The following PDZD8 variants were observed in gnomAD, a reference collection of about 807,000 sequenced individuals.
The protein encoded by PDZD8 is PDZ domain-containing protein 8.
In PDZD8, 14 loss-of-function variants were observed where a neutral mutation model predicts 85.8. The observed-to-expected ratio is 0.16, with a 90% CI of 0.11 to 0.26. The LOEUF (loss-of-function observed/expected upper bound fraction) is 0.26, where lower values mean the gene tolerates loss of function less well. Ranked by LOEUF, PDZD8 falls within the 10% of genes least tolerant of loss-of-function variation. PDZD8 has a pLI of 1.00. For synonymous variants in PDZD8, 592 were observed against 568.6 expected (o/e 1.04, Z -0.59); for missense variants, 1,197 against 1,424.3 (o/e 0.84, Z 2.57).
chr10:117,305,374 C>A (rs1286712218), intron 3 of PDZD8, among the ~76,000 whole-genome samples: 1 of 151,928 alleles, frequency 6.6e-6, no homozygotes, highest in Non-Finnish European at 1.5e-5. Flanking sequence ...GATTGCACCA[C>A]TGCACTCCAG....
At position 117,297,830 on chromosome 10, in the gene PDZD8, T is replaced by G. The variant is rs549417859; in HGVS notation, c.1099-7482A>C. ...ACAATTACCAAAATTCACCACACTGTACCCTTAGTAAATTTTATTGTTTAA... is the reference window on the plus strand; with the variant it reads ...ACAATTACCAAAATTCACCACACTGGACCCTTAGTAAATTTTATTGTTTAA... On this transcript the variant is annotated intron_variant, in intron 3 of 4. Transcript: ENST00000334464. 2.7e-4 allele frequency among the ~76,000 whole-genome samples: 41 copies of G among 152,276 alleles called. No homozygotes were observed. In the East Asian group the frequency reaches 7.7e-3, roughly 29 times the overall value.
chr10:117,374,429 G>A lies in PDZD8; in HGVS notation c.799C>T (p.Leu267Phe). ...AGCTGGTTGACGATGATGGAGGTGAGCTGGGGCATGGGCCGCCCTTCAAAC... is the reference window on the plus strand; with the variant it reads ...AGCTGGTTGACGATGATGGAGGTGAACTGGGGCATGGGCCGCCCTTCAAAC... ...SQFEGRPMPQ[L>F]TSIIVNQLKK... is the part of the protein sequence containing the mutation. Residue 267 changes from leucine to phenylalanine, a missense_variant, in exon 1 of 5, where the codon CTC (leucine) becomes TTC (phenylalanine). Leu to Phe is a conservative substitution (Grantham distance 22). Around this residue, in one of 4 missense-constraint regions of PDZD8, gnomAD observed 344 missense variants for 453.6 expected, o/e 0.76. Transcript: ENST00000334464. The surrounding 1 kb of genome is among the most constrained non-coding windows in gnomAD (Gnocchi z 7.8). The A allele has an allele frequency of 1.2e-6, 2 of 1,614,236 alleles. No homozygotes were observed. Among genetic ancestry groups the A allele is most frequent in the Non-Finnish European group, 1.7e-6 (2 of 1,180,042 alleles).
chr10:117,320,339 T>C (rs1238788933), intron 2 of PDZD8, among the ~76,000 whole-genome samples: 2 of 152,098 alleles, frequency 1.3e-5, no homozygotes, highest in Non-Finnish European at 2.9e-5. Flanking sequence ...TGTCCCCAAA[T>C]TCCTGACAGG....
intron 3 of PDZD8, among the ~76,000 whole-genome samples, chr10:117,297,875 C>CTTTA (rs961505034): frequency 6.6e-6 from 1 of 151,962 alleles, no homozygotes; most frequent in Non-Finnish European, 1.5e-5. Flanking sequence ...CAAAATAAAG[C>CTTTA]TACTAAAAGG....
intron 1 of PDZD8, among the ~76,000 whole-genome samples, chr10:117,344,962 G>A (rs1003157537): frequency 6.6e-6 from 1 of 152,162 alleles, no homozygotes; most frequent in South Asian, 2.1e-4. Flanking sequence ...TGGTTCCATA[G>A]TGGGAAAGGC....
Position 117,375,337 on chromosome 10 carries a change from G to T in PDZD8, c.-110C>A. On this transcript the variant is annotated 5_prime_UTR_variant, in exon 1 of 5. Transcript: ENST00000334464. ...GAGGACATCGGGCGGCTGGGTCGGG[G>T]CGAGCGGCTCCGTGGGCCTCGTCCA... is the stretch of plus-strand genomic sequence containing the variant. 1 of 1,064,774 alleles carries T rather than the reference G, an allele frequency of 9.4e-7. No individual in the cohort carries two copies. Among genetic ancestry groups the T allele is most frequent in the Non-Finnish European group, 1.3e-6 (1 of 788,012 alleles). The allele number at this position is 1,064,774 out of a possible 1,614,324, so 66.0% of individuals were successfully genotyped here.
Position 117,375,165 on chromosome 10 carries a change from G to C in PDZD8, c.63C>G (p.Ala21=). The change falls in exon 1 of 5, where the codon GCC becomes GCG. Residue 21 remains alanine (A), a synonymous_variant. Transcript: ENST00000334464. ...GTCTGCGGTACAGCAGGAAGAACTG[G>C]GCGAGGAGCGTGAGGAAGGAACCCA... ...AVLGSFLTLL[A]QFFLLYRRQP... The C allele has an allele frequency of 6.3e-7, 1 of 1,584,234 alleles. No individual in the cohort carries two copies. Among genetic ancestry groups the C allele is most frequent in the Middle Eastern group, 1.7e-4 (1 of 5,944 alleles).
At chr10:117,337,820 C>T (rs1487915018) in intron 2 of PDZD8, among the ~76,000 whole-genome samples, 1 of 152,140 alleles carries the variant, frequency 6.6e-6, no homozygotes, top group Non-Finnish European at 1.5e-5. Context: ...CCTAGTGACA[C>T]TATATAAGGG....
At chr10:117,340,502 CCA>C (rs1357004632) in intron 2 of PDZD8, among the ~76,000 whole-genome samples, 1 of 152,116 alleles carries the variant, frequency 6.6e-6, no homozygotes, top group Non-Finnish European at 1.5e-5. Context: ...TCCACTGATC[CCA>C]CATTGCTTCT....
rs755895121 is a variant in PDZD8, at chr10:117,284,496, G to A, written c.2237C>T (p.Thr746Ile). The A allele has an allele frequency of 6.8e-6, 11 of 1,614,156 alleles. No homozygotes were observed. In the South Asian group the frequency reaches 8.8e-5, roughly 13 times the overall value. The change falls in exon 5 of 5, where the codon ACA (threonine) becomes ATA (isoleucine). Residue 746 changes from threonine to isoleucine, a missense_variant. Physicochemically the swap from Thr to Ile is moderately conservative, Grantham distance 89. Around this residue, in one of 4 missense-constraint regions of PDZD8, gnomAD observed 418 missense variants for 571.1 expected, o/e 0.73. Transcript: ENST00000334464. ...LEDVALGCLA[T>I]SNTEYLSKLR... ...TTTGGAAAGGTATTCCGTGTTTGAT[G>A]TAGCTAGGCATCCTAAAGCCACATC... is the stretch of plus-strand genomic sequence containing the variant.
At position 117,375,256 on chromosome 10, in the gene PDZD8, C is replaced by T; in HGVS notation, c.-29G>A. The T allele has an allele frequency of 7.0e-7, 1 of 1,433,232 alleles. No homozygotes were observed. Among genetic ancestry groups the T allele is most frequent in the Non-Finnish European group, 9.1e-7 (1 of 1,098,014 alleles). The allele number at this position is 1,433,232 out of a possible 1,614,324, so 88.8% of individuals were successfully genotyped here. On this transcript the variant is annotated 5_prime_UTR_variant, in exon 1 of 5. Coordinates refer to ENST00000334464, the MANE Select transcript of PDZD8 (RefSeq NM_173791.5). ...GCCACCGCCTCCGCCCGGGCCCCTA[C>T]TCCCGCGCCCACAGCGCCGCTTTCT...
At position 117,374,974 on chromosome 10, in the gene PDZD8, T is replaced by TCGGGGGCCG. The variant is rs764843467; in HGVS notation, c.245_253dup (p.Ala82_Pro84dup). The TCGGGGGCCG allele has an allele frequency of 6.2e-7, 1 of 1,602,672 alleles. No individual in the cohort carries two copies. Among genetic ancestry groups the TCGGGGGCCG allele is most frequent in the South Asian group, 1.1e-5 (1 of 90,176 alleles). ...CTCCCGCGTCGGCGGGGCGGGGGTC[T>TCGGGGGCCG]CGGGGGCCGCGGTGGGGGTCGCGCC... On this transcript the variant is annotated inframe_insertion, in exon 1 of 5. Coordinates refer to ENST00000334464, the MANE Select transcript of PDZD8 (RefSeq NM_173791.5). This position sits in a 1 kb window ranked among gnomAD's most constrained non-coding sequence, Gnocchi z 7.8.
rs1157451392 is a variant in PDZD8, at chr10:117,278,023, CCCTTT to C, written c.*5240_*5244del. On this transcript the variant is annotated 3_prime_UTR_variant, in exon 5 of 5. Coordinates refer to ENST00000334464, the MANE Select transcript of PDZD8 (RefSeq NM_173791.5). Reference sequence around the variant, plus strand: ...CATATTGTTATGAACTAAAAGCTTTCCCTTTAAGATGCATACTTGTCTTACTGGAT... The same window carrying C: ...CATATTGTTATGAACTAAAAGCTTTCAAGATGCATACTTGTCTTACTGGAT... 1.3e-5 allele frequency: 2 copies of C among 152,148 alleles called. No homozygotes were observed. The highest frequency in any genetic ancestry group is 1.3e-4 in the Admixed American group (2 of 15,276). 9.4% of individuals were successfully genotyped at this position (152,148 alleles called of 1,614,324 possible).
chr10:117,349,639 C>CA, intron 1 of PDZD8, among the ~76,000 whole-genome samples: 1 of 152,030 alleles, frequency 6.6e-6, no homozygotes, highest in Non-Finnish European at 1.5e-5. Context: ...CCCATTTCTA[C>CA]AAAAAATACA....
rs57494461 is a variant in PDZD8 at position 117,281,351 on chromosome 10, C to CAAAAAAA, written c.*1910_*1916dup. The CAAAAAAA allele has an allele frequency of 8.8e-6, 1 of 113,936 alleles. No homozygotes were observed. Among genetic ancestry groups the CAAAAAAA allele is most frequent in the African/African-American group, 3.9e-5 (1 of 25,884 alleles). 7.1% of individuals were successfully genotyped at this position (113,936 alleles called of 1,614,324 possible). A position where few individuals can be genotyped will look rare whatever the true frequency, so the allele number is the denominator to read the frequency against. On this transcript the variant is annotated 3_prime_UTR_variant, in exon 5 of 5. Coordinates refer to ENST00000334464, the MANE Select transcript of PDZD8 (RefSeq NM_173791.5). ...CCTGGGAGACAGCGAGACTCTGTCTCAAAAAAAAAAAAAAAAAAAAAAAAA... is the reference window on the plus strand; with the variant it reads ...CCTGGGAGACAGCGAGACTCTGTCTCAAAAAAAAAAAAAAAAAAAAAAAAAAAAAAAA...
At chr10:117,307,301 T>C (rs938295232) in intron 3 of PDZD8, among the ~76,000 whole-genome samples, 1 of 152,026 alleles carries the variant, frequency 6.6e-6, no homozygotes. Flanking sequence ...ATATAACTTA[T>C]CTTACACAGG....
chr10:117,371,480 T>A (rs1015528239), intron 1 of PDZD8, among the ~76,000 whole-genome samples: 1 of 152,204 alleles, frequency 6.6e-6, no homozygotes, highest in African/African-American at 2.4e-5. Flanking sequence ...CCACTGCACC[T>A]GGCCCATCAC....
intron 2 of PDZD8, among the ~76,000 whole-genome samples, chr10:117,319,957 A>T (rs997561092): frequency 1.6e-4 from 25 of 152,000 alleles, no homozygotes; most frequent in South Asian, 1.2e-3. Context: ...AGAGAAATTT[A>T]AAAAAAACTG....
At chr10:117,352,408 C>G (rs1378168533) in intron 1 of PDZD8, among the ~76,000 whole-genome samples, 1 of 152,108 alleles carries the variant, frequency 6.6e-6, no homozygotes, top group African/African-American at 2.4e-5. Flanking sequence ...TATGTAGTAG[C>G]AAGCCTCTAT....
Sources: gnomAD v4.1 joint callset for allele counts (sites outside exome capture counted in the v4.1 genomes callset) on GRCh38, gnomAD v4.1.1 for gene constraint, gnomAD v4.1.1 regional missense constraint, Gnocchi (gnomAD v3.1) non-coding constraint, MANE v1.5 for transcripts, NCBI Gene and HGNC (gene_info 2026-07-23, HGNC 2026-07-21) for gene names.